Variants in PRDM5 observed in about 807,000 individuals in gnomAD.
PRDM5 encodes PR domain zinc finger protein 5.
PRDM5 carries 56 observed loss-of-function variants against 81.2 expected under a neutral mutation model. The observed-to-expected ratio is 0.69, with a 90% CI of 0.56 to 0.86. The LOEUF (loss-of-function observed/expected upper bound fraction) is 0.86. PRDM5 is among the 40% of genes least tolerant of loss of function. The pLI, the probability that PRDM5 is intolerant of heterozygous loss-of-function variation, is 0.00. For missense variants in PRDM5, 697 were observed against 770.1 expected (o/e 0.91, Z 1.12); for synonymous variants, 267 against 256.4 (o/e 1.04, Z -0.39).
intron 2 of PRDM5, among the ~76,000 whole-genome samples, chr4:120,875,734 G>A (rs955894022): frequency 2.6e-5 from 4 of 152,204 alleles, no homozygotes; most frequent in African/African-American, 9.7e-5. Context: ...TAGAGTAGTA[G>A]ACAGGGGGCA....
rs922843980 is a variant in PRDM5 at position 120,692,291 on chromosome 4, G to C, written c.*2820C>G. 1.7e-4 allele frequency: 26 copies of C among 152,176 alleles called. No individual in the cohort carries two copies. The East Asian group carries it at 2.9e-3, about 17-fold the overall frequency. 9.4% of individuals were successfully genotyped at this position (152,176 alleles called of 1,614,324 possible). On this transcript the variant is annotated 3_prime_UTR_variant, in exon 16 of 16. Coordinates refer to ENST00000264808, the MANE Select transcript of PRDM5 (RefSeq NM_018699.4). ...TGCATGAGTTGACTGTAATAGGTCA[G>C]AAGATATTTGAGCAAAGTAATGCAC...
In PRDM5 at chr4:120,789,928, A is replaced by C. The variant is rs547970460; in HGVS notation, c.1189-4837T>G. The stretch of plus-strand genomic sequence containing the variant: ...AACCTTCCCACTGCTTCAAAGCCAC[A>C]ATTCCATCAGTACAAAGCCACAATG... On this transcript the variant is annotated intron_variant, in intron 10 of 15. Transcript: ENST00000264808. Among the ~76,000 whole-genome samples the C allele has an allele frequency of 1.1e-4, 16 of 152,322 alleles. No homozygotes were observed. In the South Asian group the frequency reaches 3.1e-3, roughly 30 times the overall value.
chr4:120,901,888 A>T (rs1765263631), intron 2 of PRDM5, among the ~76,000 whole-genome samples: 1 of 152,200 alleles, frequency 6.6e-6, no homozygotes, highest in East Asian at 1.9e-4. Flanking sequence ...CTGAACACCC[A>T]CTGCATCCAC....
At chr4:120,900,019 T>C (rs1299422284) in intron 2 of PRDM5, among the ~76,000 whole-genome samples, 1 of 152,140 alleles carries the variant, frequency 6.6e-6, no homozygotes, top group Non-Finnish European at 1.5e-5. Flanking sequence ...GGCATAGGTA[T>C]AGAAGAGATA....
intron 3 of PRDM5, among the ~76,000 whole-genome samples, chr4:120,831,450 G>A (rs1756703104): frequency 6.6e-6 from 1 of 151,934 alleles, no homozygotes; most frequent in South Asian, 2.1e-4. Flanking sequence ...TTAAAACACT[G>A]GGGACAAGTT....
chr4:120,774,902 A>ATATATATG (rs1553963976), intron 13 of PRDM5, among the ~76,000 whole-genome samples: 5,578 of 146,006 alleles, frequency 0.038, 333 homozygotes, highest in African/African-American at 0.13. Flanking sequence ...ATATATATAT[A>ATATATATG]TATATGTATA....
chr4:120,700,799 C>A (rs1003884518), intron 15 of PRDM5, among the ~76,000 whole-genome samples: 1 of 152,010 alleles, frequency 6.6e-6, no homozygotes, highest in Admixed American at 6.6e-5. Flanking sequence ...AACCACAATG[C>A]GATATTATCT....
chr4:120,690,563 T>C (rs958141382), downstream of PRDM5, among the ~76,000 whole-genome samples: 3 of 152,026 alleles, frequency 2.0e-5, no homozygotes, highest in South Asian at 2.1e-4. Context: ...AAAAAAGATA[T>C]GCCAGTCAAA....
chr4:120,744,589 T>C (rs936153626), intron 14 of PRDM5, among the ~76,000 whole-genome samples: 3 of 152,028 alleles, frequency 2.0e-5, no homozygotes, highest in African/African-American at 4.8e-5. Flanking sequence ...GAAAAAATGA[T>C]AAAGGGGATA....
chr4:120,717,062 GA>G (rs5861486), intron 14 of PRDM5, among the ~76,000 whole-genome samples: 69,830 of 137,478 alleles, frequency 0.51, 17,071 homozygotes, highest in East Asian at 0.75. Flanking sequence ...TGAACATTGT[GA>G]AAAAAAAAAA....
At chr4:120,795,309 T>C (rs1419563494) in intron 10 of PRDM5, among the ~76,000 whole-genome samples, 2 of 152,124 alleles carry the variant, frequency 1.3e-5, no homozygotes, top group African/African-American at 4.8e-5. Flanking sequence ...CTGTACAACT[T>C]ACCCAAATTT....
chr4:120,910,085 G>T (rs1181934489), intron 1 of PRDM5, among the ~76,000 whole-genome samples: 1 of 150,720 alleles, frequency 6.6e-6, no homozygotes, highest in Non-Finnish European at 1.5e-5. Context: ...AAAAAAAAGA[G>T]TTTTGACCCA....
At chr4:120,877,575 C>A (rs1423230130) in intron 2 of PRDM5, among the ~76,000 whole-genome samples, 3 of 152,078 alleles carry the variant, frequency 2.0e-5, no homozygotes, top group African/African-American at 4.8e-5. Context: ...GAGGCTGAGG[C>A]GGGTGGATCA....
intron 1 of PRDM5, among the ~76,000 whole-genome samples, chr4:120,918,413 C>A (rs1561728472): frequency 6.6e-6 from 1 of 152,162 alleles, no homozygotes; most frequent in East Asian, 1.9e-4. Flanking sequence ...TTTCTTCAGA[C>A]AAGTCACCTT....
chr4:120,787,077 T>C (rs1749862095), intron 10 of PRDM5, among the ~76,000 whole-genome samples: 1 of 152,180 alleles, frequency 6.6e-6, no homozygotes, highest in Admixed American at 6.5e-5. Flanking sequence ...TAGGAAGGGA[T>C]AAATGTGATG....
intron 14 of PRDM5, among the ~76,000 whole-genome samples, chr4:120,748,857 C>A (rs1316611077): frequency 6.6e-6 from 1 of 152,002 alleles, no homozygotes; most frequent in Non-Finnish European, 1.5e-5. Flanking sequence ...AAACAGAACC[C>A]CTTTAGAGAA....
intron 12 of PRDM5, among the ~76,000 whole-genome samples, chr4:120,778,795 A>T (rs964075613): frequency 6.6e-6 from 1 of 152,158 alleles, no homozygotes; most frequent in African/African-American, 2.4e-5. Context: ...AAGCTGATAT[A>T]CAAAATAGTT....
intron 13 of PRDM5, among the ~76,000 whole-genome samples, chr4:120,770,695 T>C (rs1747146161): frequency 6.6e-6 from 1 of 152,176 alleles, no homozygotes; most frequent in African/African-American, 2.4e-5. Context: ...AGATAATTTC[T>C]CTTTTTTAAC....
chr4:120,685,594 TA>T (rs1415998796), intron 1 of PRDM5, among the ~76,000 whole-genome samples: 1 of 152,050 alleles, frequency 6.6e-6, no homozygotes, highest in Non-Finnish European at 1.5e-5. Context: ...GCAGCATATA[TA>T]GGTGAAATAT....
Sources: gnomAD v4.1 joint callset for allele counts (sites outside exome capture counted in the v4.1 genomes callset) on GRCh38, gnomAD v4.1.1 for gene constraint, MANE v1.5 for transcripts, NCBI Gene and HGNC (gene_info 2026-07-23, HGNC 2026-07-21) for gene names.